EIF4G3: variants seen among roughly 807,000 people sequenced by gnomAD.
EIF4G3 encodes the protein eIF-4-gamma 3.
In EIF4G3, 34 loss-of-function variants were observed where a neutral mutation model predicts 186.4. That is an observed-to-expected ratio of 0.18 (90% CI 0.14 to 0.24). The LOEUF (loss-of-function observed/expected upper bound fraction) is 0.24. EIF4G3 is among the 10% of genes least tolerant of loss of function. The pLI is 1.00. For synonymous variants in EIF4G3, 673 were observed against 679.5 expected (o/e 0.99, Z 0.15); for missense variants, 1,536 against 1,948.5 (o/e 0.79, Z 3.99).
chr1:20,918,701 CTTTTTTTTTTTTT>C (rs35704755), intron 14 of EIF4G3, among the ~76,000 whole-genome samples: 1 of 94,902 alleles, frequency 1.1e-5, no homozygotes, highest in Non-Finnish European at 1.9e-5. Context: ...CTCCTAGTAT[CTTTTTTTTTTTTT>C]TTTTTTTTTT....
intron 29 of EIF4G3, among the ~76,000 whole-genome samples, chr1:20,848,123 C>T (rs1354581939): frequency 6.6e-6 from 1 of 152,000 alleles, no homozygotes; most frequent in Non-Finnish European, 1.5e-5. Flanking sequence ...CGTGCCACCA[C>T]ACCTGGCTAA....
At chr1:21,013,592 C>T (rs193208673) in intron 4 of EIF4G3, among the ~76,000 whole-genome samples, 29 of 152,202 alleles carry the variant, frequency 1.9e-4, no homozygotes, top group Admixed American at 4.6e-4. Context: ...GGGATGTCAC[C>T]GATCTGCCAG....
chr1:21,152,348 A>AAAAAAAAC (rs1394304693), intron 2 of EIF4G3, among the ~76,000 whole-genome samples: 1 of 151,380 alleles, frequency 6.6e-6, no homozygotes, highest in Admixed American at 6.6e-5. Context: ...ACAAAAAAAA[A>AAAAAAAAC]AAAAGCAAAT....
intron 2 of EIF4G3, among the ~76,000 whole-genome samples, chr1:21,155,441 A>C (rs1380355807): frequency 6.6e-6 from 1 of 152,158 alleles, no homozygotes; most frequent in Non-Finnish European, 1.5e-5. Flanking sequence ...AAAATCTTTT[A>C]TTGAAAACTC....
chr1:21,136,248 G>T (rs1483514226), intron 2 of EIF4G3, among the ~76,000 whole-genome samples: 1 of 151,434 alleles, frequency 6.6e-6, no homozygotes. Flanking sequence ...GCTGGGCATG[G>T]TGGCTCACGC....
Position 20,857,326 on chromosome 1 carries a change from T to TTGTG in EIF4G3, c.3339+73_3339+76dup, listed in dbSNP as rs145504996. The TTGTG allele has an allele frequency of 1.2e-3, 1,298 of 1,108,368 alleles. 9 individuals are homozygous for TTGTG. In the African/African-American group the frequency reaches 0.017, roughly 15 times the overall value. The allele number at this position is 1,108,368 out of a possible 1,614,324, so 68.7% of individuals were successfully genotyped here. A position where few individuals can be genotyped will look rare whatever the true frequency, so the allele number is the denominator to read the frequency against. ...AGACACGTTTTGCAACTATTGTAAATTGTGTGTGTGTGTGTGTGTTTTAAT... is the reference window on the plus strand; with the variant it reads ...AGACACGTTTTGCAACTATTGTAAATTGTGTGTGTGTGTGTGTGTGTGTTTTAAT... On this transcript the variant is annotated intron_variant, in intron 25 of 36. Coordinates refer to ENST00000602326, the MANE Select transcript of EIF4G3 (RefSeq NM_001391906.1).
chr1:20,992,818 A>G (rs2081408689), intron 7 of EIF4G3, among the ~76,000 whole-genome samples: 1 of 152,172 alleles, frequency 6.6e-6, no homozygotes, highest in Admixed American at 6.5e-5. Flanking sequence ...GGACAGGAAC[A>G]TAAGTAACTT....
intron 3 of EIF4G3, among the ~76,000 whole-genome samples, chr1:21,066,242 G>C (rs2095235291): frequency 6.7e-6 from 1 of 149,294 alleles, no homozygotes. Context: ...GGGAGGGGGA[G>C]GGATGAGGGG....
chr1:20,827,413 A>T (rs1471852124), intron 32 of EIF4G3, among the ~76,000 whole-genome samples: 1 of 152,170 alleles, frequency 6.6e-6, no homozygotes, highest in Non-Finnish European at 1.5e-5. Flanking sequence ...ATTATACCAA[A>T]TCTAGTCGAG....
intron 4 of EIF4G3, among the ~76,000 whole-genome samples, chr1:21,019,447 A>T (rs1352349060): frequency 1.3e-5 from 2 of 152,274 alleles, no homozygotes; most frequent in African/African-American, 2.4e-5. Flanking sequence ...AGACAGCTAT[A>T]TAAAACCATC....
chr1:21,165,706 A>G (rs1048684771), intron 2 of EIF4G3, among the ~76,000 whole-genome samples: 1 of 152,156 alleles, frequency 6.6e-6, no homozygotes, highest in Non-Finnish European at 1.5e-5. Flanking sequence ...TGGGGAGTCA[A>G]ACAGGTTCCT....
At chr1:21,017,411 G>A (rs556886645) in intron 4 of EIF4G3, among the ~76,000 whole-genome samples, 10 of 152,008 alleles carry the variant, frequency 6.6e-5, no homozygotes, top group African/African-American at 2.4e-4. Flanking sequence ...GGTGGATCAC[G>A]AGGTCAAGAG....
intron 2 of EIF4G3, among the ~76,000 whole-genome samples, chr1:21,149,521 C>T (rs771162830): frequency 6.6e-6 from 1 of 152,138 alleles, no homozygotes; most frequent in Non-Finnish European, 1.5e-5. Context: ...AGCAGCAGAT[C>T]CTGGTGTTTT....
intron 20 of EIF4G3, among the ~76,000 whole-genome samples, chr1:20,877,322 G>C (rs1170692702): frequency 6.6e-6 from 1 of 152,180 alleles, no homozygotes; most frequent in African/African-American, 2.4e-5. Context: ...TGGCACATCA[G>C]GAGGCACTAT....
chr1:21,141,952 T>A (rs1348213204), intron 2 of EIF4G3, among the ~76,000 whole-genome samples: 1 of 151,038 alleles, frequency 6.6e-6, no homozygotes, highest in East Asian at 1.9e-4. Flanking sequence ...AAAAACAAAA[T>A]GCTAATCAGT....
chr1:21,002,851 A>ATTATAT, intron 4 of EIF4G3, 43 bp from the exon 5 acceptor site: 1 of 1,136,248 alleles, frequency 8.8e-7, no homozygotes, highest in Non-Finnish European at 1.3e-6. Context: ...TTGAAAAAAT[A>ATTATAT]TGGCATGGCA....
chr1:20,865,197 A>T lies in EIF4G3; in HGVS notation c.2688T>A (p.Arg896=), dbSNP rs759911941. The T allele has an allele frequency of 6.2e-7, 1 of 1,614,172 alleles. No individual in the cohort carries two copies. Among genetic ancestry groups the T allele is most frequent in the South Asian group, 1.1e-5 (1 of 91,086 alleles). Residue 896 remains arginine, a synonymous_variant, in exon 21 of 37, where the codon CGT becomes CGA. Coordinates refer to ENST00000602326, the MANE Select transcript of EIF4G3 (RefSeq NM_001391906.1). ...TATCTTTTTCAAACTCCTTCTGGCA[A>T]CGGTTCAGTAGCAGCTTCCGGAAAT... ...TVNFRKLLLN[R]CQKEFEKDKA...
chr1:20,891,097 G>A (rs764664751), intron 18 of EIF4G3, among the ~76,000 whole-genome samples: 7 of 152,172 alleles, frequency 4.6e-5, no homozygotes, highest in Non-Finnish European at 5.9e-5. Context: ...TCTCACATAC[G>A]TAGGTATACA....
At chr1:20,845,488 C>A (rs2070583626) in intron 29 of EIF4G3, among the ~76,000 whole-genome samples, 1 of 152,070 alleles carries the variant, frequency 6.6e-6, no homozygotes. Context: ...CCGTGAAACC[C>A]CGTTTCTACT....
Sources: allele counts gnomAD v4.1 joint callset (sites outside exome capture counted in the v4.1 genomes callset), GRCh38; gene constraint gnomAD v4.1.1; transcripts MANE v1.5; gene names NCBI Gene and HGNC (gene_info 2026-07-23, HGNC 2026-07-21).